PPP2R2C: variants seen among roughly 807,000 people sequenced by gnomAD.
PPP2R2C encodes protein phosphatase 2 regulatory subunit Bgamma.
PPP2R2C carries 10 observed loss-of-function variants against 45.3 expected under a neutral mutation model. The observed-to-expected ratio is 0.22, with a 90% CI of 0.14 to 0.37. The LOEUF (loss-of-function observed/expected upper bound fraction) is 0.37, where lower values mean the gene tolerates loss of function less well. PPP2R2C is among the 10% of genes least tolerant of loss of function. The pLI, the probability that PPP2R2C is intolerant of heterozygous loss-of-function variation, is 1.00. For synonymous variants in PPP2R2C, 257 were observed against 245.4 expected, an observed-to-expected ratio of 1.05 and a Z score of -0.44; for missense variants, 308 against 619.7, an observed-to-expected ratio of 0.50 and a Z score of 5.34.
chr4:6,522,472 C>T (rs1163430953), intron 2 of PPP2R2C, among the ~76,000 whole-genome samples: 1 of 152,244 alleles, frequency 6.6e-6, no homozygotes, highest in Non-Finnish European at 1.5e-5. Context: ...CTCATGCTTC[C>T]CAAGCACCTG....
intron 2 of PPP2R2C, among the ~76,000 whole-genome samples, chr4:6,511,754 T>TGAC (rs1723544480): frequency 1.3e-5 from 1 of 78,876 alleles, no homozygotes; most frequent in Non-Finnish European, 2.8e-5. Flanking sequence ...GTGATGGCAA[T>TGAC]GGTGGTGGTG....
At chr4:6,470,070 C>A (rs951195741) in intron 1 of PPP2R2C, among the ~76,000 whole-genome samples, 3 of 152,204 alleles carry the variant, frequency 2.0e-5, no homozygotes, top group Non-Finnish European at 2.9e-5. Context: ...TAGCTCTGAA[C>A]GGCTCCTTCA....
intron 1 of PPP2R2C, among the ~76,000 whole-genome samples, chr4:6,445,506 A>G (rs1299644482): frequency 6.6e-6 from 1 of 152,274 alleles, no homozygotes; most frequent in African/African-American, 2.4e-5. Context: ...ACAAAGGCAC[A>G]GCCTCATAGA....
intron 1 of PPP2R2C, among the ~76,000 whole-genome samples, chr4:6,448,011 A>G (rs1720524776): frequency 1.3e-5 from 2 of 152,044 alleles, no homozygotes; most frequent in Admixed American, 6.5e-5. Context: ...GCATAGGAGG[A>G]GCAGAGGCTC....
chr4:6,373,486 G>A (rs141341399), intron 4 of PPP2R2C, among the ~76,000 whole-genome samples: 5 of 152,306 alleles, frequency 3.3e-5, no homozygotes, highest in East Asian at 1.9e-4. Flanking sequence ...CCAACCCTGA[G>A]GCTGTCAACT....
At chr4:6,537,169 C>A (rs1028303397) in intron 1 of PPP2R2C, among the ~76,000 whole-genome samples, 2 of 151,898 alleles carry the variant, frequency 1.3e-5, no homozygotes, top group Non-Finnish European at 2.9e-5. Context: ...CTGCAGTGCA[C>A]TCCAGTCTGG....
chr4:6,367,421 A>T (rs1210749103), intron 5 of PPP2R2C, among the ~76,000 whole-genome samples: 1 of 152,000 alleles, frequency 6.6e-6, no homozygotes, highest in Non-Finnish European at 1.5e-5. Context: ...GTCCAGCCCA[A>T]GCCTTCCCCT....
At chr4:6,524,412 C>T (rs369101474) in intron 2 of PPP2R2C, among the ~76,000 whole-genome samples, 7 of 152,194 alleles carry the variant, frequency 4.6e-5, no homozygotes, top group African/African-American at 1.7e-4. Flanking sequence ...ATGGGAGTGA[C>T]TGCTTACTGA....
At chr4:6,440,440 G>A (rs1355038909) in intron 1 of PPP2R2C, among the ~76,000 whole-genome samples, 1 of 152,148 alleles carries the variant, frequency 6.6e-6, no homozygotes, top group African/African-American at 2.4e-5. Flanking sequence ...CAACTCACAG[G>A]GCAGGTGTTG....
At chr4:6,397,663 C>T (rs1424638947) in intron 1 of PPP2R2C, among the ~76,000 whole-genome samples, 3 of 149,072 alleles carry the variant, frequency 2.0e-5, no homozygotes, top group Non-Finnish European at 4.5e-5. Flanking sequence ...AGCTGCCAGA[C>T]CTACCAGGGG....
chr4:6,517,807 G>A (rs917966803), intron 2 of PPP2R2C, among the ~76,000 whole-genome samples: 7 of 152,158 alleles, frequency 4.6e-5, no homozygotes, highest in Non-Finnish European at 8.8e-5. Context: ...GTAGACAGGG[G>A]TTCCAATACC....
chr4:6,544,708 A>G (rs1724919275), intron 1 of PPP2R2C, among the ~76,000 whole-genome samples: 1 of 152,210 alleles, frequency 6.6e-6, no homozygotes, highest in Non-Finnish European at 1.5e-5. Context: ...GAAAAGGAAG[A>G]AGCATAAGCA....
At chr4:6,370,329 G>A (rs1392328931) in intron 5 of PPP2R2C, among the ~76,000 whole-genome samples, 3 of 152,238 alleles carry the variant, frequency 2.0e-5, no homozygotes, top group Admixed American at 6.5e-5. Context: ...GTGAGACAAC[G>A]AACGGCAGGC....
chr4:6,456,491 A>G (rs1721045305), intron 1 of PPP2R2C, among the ~76,000 whole-genome samples: 1 of 152,230 alleles, frequency 6.6e-6, no homozygotes, highest in South Asian at 2.1e-4. Context: ...TTCAATAAAG[A>G]GCCTTACCTC....
At chr4:6,347,121 T>C (rs1033506054) in intron 6 of PPP2R2C, among the ~76,000 whole-genome samples, 4 of 152,110 alleles carry the variant, frequency 2.6e-5, no homozygotes, top group Admixed American at 2.0e-4. Context: ...TCTGCCACGA[T>C]TGAATTTGGG....
chr4:6,358,409 T>G (rs1185551726), intron 5 of PPP2R2C, among the ~76,000 whole-genome samples: 3 of 151,524 alleles, frequency 2.0e-5, no homozygotes, highest in Non-Finnish European at 4.4e-5. Flanking sequence ...ACAATACCAT[T>G]CAGGACATAG....
intron 2 of PPP2R2C, among the ~76,000 whole-genome samples, chr4:6,515,092 G>A (rs1457789107): frequency 6.6e-6 from 1 of 152,032 alleles, no homozygotes; most frequent in African/African-American, 2.4e-5. Flanking sequence ...CAGGCATCAG[G>A]GGTGAGGACC....
intron 1 of PPP2R2C, among the ~76,000 whole-genome samples, chr4:6,548,548 T>C (rs953634997): frequency 6.6e-6 from 1 of 152,226 alleles, no homozygotes. Context: ...AAGAGGTTTA[T>C]TGGGAGGTCA....
intron 2 of PPP2R2C, among the ~76,000 whole-genome samples, chr4:6,484,161 T>A (rs1280408183): frequency 6.6e-6 from 1 of 152,072 alleles, no homozygotes; most frequent in Non-Finnish European, 1.5e-5. Flanking sequence ...TTTGAATATT[T>A]GTATATGGTA....
Sources: gnomAD v4.1 joint callset for allele counts (sites outside exome capture counted in the v4.1 genomes callset) on GRCh38, gnomAD v4.1.1 for gene constraint, MANE v1.5 for transcripts, NCBI Gene and HGNC (gene_info 2026-07-23, HGNC 2026-07-21) for gene names.